PPFIBP1: variants seen among roughly 807,000 people sequenced by gnomAD.
PPFIBP1 encodes the protein PPFIB scaffold protein 1.
In PPFIBP1, 112 loss-of-function variants were observed where a neutral mutation model predicts 137.8. That is an observed-to-expected ratio of 0.81 (90% CI 0.70 to 0.95). The LOEUF is 0.95. PPFIBP1 is among the 40% of genes least tolerant of loss of function. The pLI, the probability that PPFIBP1 is intolerant of heterozygous loss-of-function variation, is 0.00. For missense variants in PPFIBP1, 1,083 were observed against 1,196.6 expected (o/e 0.91, Z 1.40); for synonymous variants, 378 against 417.3 (o/e 0.91, Z 1.15).
chr12:27,542,373 C>A (rs1457193443), intron 1 of PPFIBP1, among the ~76,000 whole-genome samples: 1 of 152,108 alleles, frequency 6.6e-6, no homozygotes, highest in Non-Finnish European at 1.5e-5. Flanking sequence ...AAACCAATTC[C>A]CCATGGATAC....
At chr12:27,663,784 G>A (rs1208744691) in intron 11 of PPFIBP1, among the ~76,000 whole-genome samples, 1 of 151,684 alleles carries the variant, frequency 6.6e-6, no homozygotes, top group Non-Finnish European at 1.5e-5. Flanking sequence ...AGGCTGCAGT[G>A]AGCCAAGATT....
At chr12:27,604,921 A>C (rs2054366455) in intron 2 of PPFIBP1, among the ~76,000 whole-genome samples, 1 of 152,234 alleles carries the variant, frequency 6.6e-6, no homozygotes, top group Admixed American at 6.5e-5. Context: ...GGAAGCAAAG[A>C]GAGAGCTTGT....
rs531165624 is a variant in PPFIBP1 at position 27,666,819 on chromosome 12, A to G, written c.992-347A>G. 3.9e-5 allele frequency among the ~76,000 whole-genome samples: 6 copies of G among 152,352 alleles called. No homozygotes were observed. The South Asian group carries it at 1.2e-3, about 32-fold the overall frequency. Reference sequence around the variant, plus strand: ...GGTATTCTTCAGTTTGAATATTTCTACACTAAAATTTGTAAGCCCCTGATT... The same window carrying G: ...GGTATTCTTCAGTTTGAATATTTCTGCACTAAAATTTGTAAGCCCCTGATT... On this transcript the variant is annotated intron_variant, in intron 12 of 29. Transcript: ENST00000228425.
chr12:27,671,644 T>C, intron 14 of PPFIBP1, 98 bp downstream of exon 14: 1 of 713,214 alleles, frequency 1.4e-6, no homozygotes, highest in Non-Finnish European at 2.3e-6. Flanking sequence ...AATTTTTACC[T>C]AGAGAAGCAA....
chr12:27,542,334 G>A (rs1043339701), intron 1 of PPFIBP1, among the ~76,000 whole-genome samples: 3 of 152,154 alleles, frequency 2.0e-5, no homozygotes, highest in East Asian at 1.9e-4. Flanking sequence ...TAGCATCTGC[G>A]GATTTGGGTA....
At chr12:27,579,979 C>T (rs1408665815) in intron 2 of PPFIBP1, among the ~76,000 whole-genome samples, 1 of 152,010 alleles carries the variant, frequency 6.6e-6, no homozygotes, top group African/African-American at 2.4e-5. Flanking sequence ...TTGCATGGTA[C>T]AGGAAGGGAC....
chr12:27,545,202 G>T (rs1465894141), intron 1 of PPFIBP1, among the ~76,000 whole-genome samples: 1 of 152,036 alleles, frequency 6.6e-6, no homozygotes, highest in Non-Finnish European at 1.5e-5. Flanking sequence ...ATGGGCACAG[G>T]GAGGGGAACA....
intron 7 of PPFIBP1, among the ~76,000 whole-genome samples, 195 bp downstream of exon 7, chr12:27,650,336 T>C (rs2058803273): frequency 6.6e-6 from 1 of 152,264 alleles, no homozygotes; most frequent in Non-Finnish European, 1.5e-5. Context: ...CACTAGATGC[T>C]AATGGCAATT....
intron 4 of PPFIBP1, among the ~76,000 whole-genome samples, 193 bp from the exon 5 acceptor site, chr12:27,645,869 A>G (rs921595083): frequency 3.3e-5 from 5 of 152,198 alleles, no homozygotes; most frequent in Non-Finnish European, 7.3e-5. Flanking sequence ...ACATGCCTAT[A>G]TGCTTAACAT....
chr12:27,649,922 T>C (rs542953880), intron 6 of PPFIBP1, 88 bp from the exon 7 acceptor site: 2 of 1,234,862 alleles, frequency 1.6e-6, no homozygotes, highest in Admixed American at 2.1e-5. Flanking sequence ...ACTTGATAGG[T>C]GCTGCTTTGT....
At chr12:27,563,015 G>A (rs1283585148) in intron 1 of PPFIBP1, among the ~76,000 whole-genome samples, 2 of 151,512 alleles carry the variant, frequency 1.3e-5, no homozygotes, top group African/African-American at 2.4e-5. Flanking sequence ...TTGTTCAAAC[G>A]CTAATCTAGG....
intron 13 of PPFIBP1, among the ~76,000 whole-genome samples, chr12:27,670,791 A>ATAATAAT (rs1223053194): frequency 2.6e-4 from 36 of 138,756 alleles, no homozygotes; most frequent in South Asian, 1.4e-3. Context: ...AAAAAAAAAA[A>ATAATAAT]AAAAATAATA....
intron 2 of PPFIBP1, among the ~76,000 whole-genome samples, chr12:27,626,765 C>G (rs2056852404): frequency 6.6e-6 from 1 of 152,104 alleles, no homozygotes; most frequent in African/African-American, 2.4e-5. Context: ...GGGATTTCAC[C>G]ATGTTGGCCA....
rs550382715 is a variant in PPFIBP1, at chr12:27,619,044, G to GACA, written c.-35-14316_-35-14314dup. 3.4e-3 allele frequency among the ~76,000 whole-genome samples: 524 copies of GACA among 152,254 alleles called. 2 individuals are homozygous for GACA. The highest frequency in any genetic ancestry group is 0.01 in the Middle Eastern group (3 of 294). ...CTGAGAGAGAATGGGTGTGGGGAGA[G>GACA]ACAAGTGCTATAGGAGTACTTGATG... On this transcript the variant is annotated intron_variant, in intron 2 of 29. Coordinates refer to ENST00000228425, the MANE Select transcript of PPFIBP1 (RefSeq NM_003622.4).
chr12:27,563,314 G>C (rs1162643774), intron 1 of PPFIBP1, among the ~76,000 whole-genome samples: 1 of 93,766 alleles, frequency 1.1e-5, no homozygotes, highest in Non-Finnish European at 2.1e-5. Context: ...AAAATTAGCT[G>C]GGTGTGGTGG....
At chr12:27,591,134 C>T (rs1038422862) in intron 2 of PPFIBP1, among the ~76,000 whole-genome samples, 21 of 151,118 alleles carry the variant, frequency 1.4e-4, no homozygotes, top group Middle Eastern at 3.4e-3. Flanking sequence ...ATCTGACACT[C>T]CTATTTGCTA....
intron 6 of PPFIBP1, chr12:27,648,119 A>C: frequency 2.5e-6 from 1 of 395,340 alleles, no homozygotes; most frequent in Non-Finnish European, 4.4e-6. Context: ...CACCCATAGC[A>C]TGTGTTTTAT....
At chr12:27,627,243 CAT>C (rs1318047842) in intron 2 of PPFIBP1, among the ~76,000 whole-genome samples, 1 of 152,150 alleles carries the variant, frequency 6.6e-6, no homozygotes, top group Non-Finnish European at 1.5e-5. Flanking sequence ...TTGCTGCACA[CAT>C]TGGCAATCAT....
At chr12:27,679,817 A>G in intron 20 of PPFIBP1, 116 bp from the exon 21 acceptor site, 3 of 1,413,772 alleles carry the variant, frequency 2.1e-6, no homozygotes, top group Non-Finnish European at 2.9e-6. Flanking sequence ...TTAAATGTCT[A>G]TGTTAACAAC....
Sources: gnomAD v4.1 joint callset for allele counts (sites outside exome capture counted in the v4.1 genomes callset) on GRCh38, gnomAD v4.1.1 for gene constraint, MANE v1.5 for transcripts, NCBI Gene and HGNC (gene_info 2026-07-23, HGNC 2026-07-21) for gene names.